Variants in CETP observed in about 807,000 individuals in gnomAD.
CETP encodes the protein cholesteryl ester transfer protein.
In CETP, 56 loss-of-function variants were observed where a neutral mutation model predicts 66.5. The ratio of observed to expected loss-of-function variants is 0.84; its 90% CI spans 0.68 to 1.05. The LOEUF is 1.05. Ranked by LOEUF, CETP falls within the 50% of genes least tolerant of loss-of-function variation. The probability of loss-of-function intolerance (pLI) is 0.00; values close to 1 mark genes in which losing one functional copy is unlikely to be tolerated. For synonymous variants in CETP, 251 were observed against 245.7 expected (o/e 1.02, Z -0.20); for missense variants, 612 against 609.6 (o/e 1.00, Z -0.04).
intron 4 of CETP, 58 bp from the exon 5 acceptor site, chr16:56,969,856 A>C (rs1349315090): frequency 6.3e-7 from 1 of 1,582,940 alleles, no homozygotes; most frequent in African/African-American, 1.4e-5. Context: ...CCTGGGCAGC[A>C]TGTGGATACC....
intron 7 of CETP, 150 bp downstream of exon 7, chr16:56,971,531 A>T (rs2056110396): frequency 1.2e-6 from 1 of 800,944 alleles, no homozygotes; most frequent in African/African-American, 1.7e-5. Context: ...AGTTATGAGC[A>T]TACTTTGGCA....
At chr16:56,977,642 C>T (rs1017753228) in intron 10 of CETP, among the ~76,000 whole-genome samples, 8 of 152,190 alleles carry the variant, frequency 5.3e-5, no homozygotes, top group Non-Finnish European at 7.3e-5. Flanking sequence ...GCAGCTCCTG[C>T]GCTCTCTGCT....
At position 56,983,352 on chromosome 16, in the gene CETP, A is replaced by T. The variant is rs758862566; in HGVS notation, c.1348A>T (p.Met450Leu). 6.2e-7 allele frequency: 1 copy of T among 1,614,130 alleles called. No homozygotes were observed. Among genetic ancestry groups the T allele is most frequent in the African/African-American group, 1.3e-5 (1 of 74,946 alleles). ...GCTCGAGGTAGTGTTTACAGCCCTC[A>T]TGAACAGCAAAGGCGTGAGCCTCTT... is the stretch of plus-strand genomic sequence containing the variant. ...SRLEVVFTALMNSKGVSLFDI... is the reference protein window; with the variant it reads ...SRLEVVFTALLNSKGVSLFDI... The change falls in exon 15 of 16, where the codon ATG becomes TTG. Residue 450 changes from methionine (M) to leucine (L), a missense_variant. By Grantham distance (15) the Met-to-Leu change is conservative (BLOSUM62 2). Transcript: ENST00000200676.
intron 9 of CETP, among the ~76,000 whole-genome samples, chr16:56,974,379 G>GATCAC (rs1346862395): frequency 6.6e-6 from 1 of 152,180 alleles, no homozygotes; most frequent in Non-Finnish European, 1.5e-5. Context: ...AGCCCAAGAG[G>GATCAC]TTGAGGCTGC....
At position 56,981,201 on chromosome 16, in the gene CETP, T is replaced by A. The variant is rs566897355; in HGVS notation, c.1190T>A (p.Leu397His). 40 of 1,613,846 alleles carry A rather than the reference T, an allele frequency of 2.5e-5. No homozygotes were observed. The South Asian group carries it at 3.6e-4, about 15-fold the overall frequency. Residue 397 changes from leucine to histidine, a missense_variant, in exon 12 of 16, where the codon CTC becomes CAC. Leu to His is a moderately conservative substitution (Grantham distance 99). Transcript: ENST00000200676. ...CAGGCCTCCTATTCTAAGAAAAAGCTCTTCTTAAGCCTCTTGGATTTCCAG... is the reference window on the plus strand; with the variant it reads ...CAGGCCTCCTATTCTAAGAAAAAGCACTTCTTAAGCCTCTTGGATTTCCAG... ...TVQASYSKKK[L>H]FLSLLDFQIT...
At position 56,980,852 on chromosome 16, in the gene CETP, G is replaced by A. The variant is rs573248237; in HGVS notation, c.1147-306G>A. Among the ~76,000 whole-genome samples the A allele has an allele frequency of 1.8e-4, 28 of 152,336 alleles. No individual in the cohort carries two copies. The South Asian group carries it at 2.1e-3, about 11-fold the overall frequency. On this transcript the variant is annotated intron_variant, in intron 11 of 15. Transcript: ENST00000200676. Reference sequence around the variant, plus strand: ...TAGGACAATCGCTTGAACCTGGGACGTGGAGGTTGCAGTGAGCTGAGATCG... The same window carrying A: ...TAGGACAATCGCTTGAACCTGGGACATGGAGGTTGCAGTGAGCTGAGATCG...
At chr16:56,972,348 T>C (rs1279692204) in intron 8 of CETP, among the ~76,000 whole-genome samples, 1 of 151,798 alleles carries the variant, frequency 6.6e-6, no homozygotes, top group Non-Finnish European at 1.5e-5. Context: ...CCTAGAGGGC[T>C]TATTCGGCTT....
At chr16:56,965,091 T>C (rs563922671) in intron 2 of CETP, among the ~76,000 whole-genome samples, 4 of 152,122 alleles carry the variant, frequency 2.6e-5, no homozygotes, top group Non-Finnish European at 5.9e-5. Context: ...ACTCTGTTGC[T>C]AAAAAATAAA....
chr16:56,962,145 C>T (rs371369925), intron 1 of CETP, 48 bp downstream of exon 1: 7 of 1,491,674 alleles, frequency 4.7e-6, no homozygotes, highest in East Asian at 2.3e-5. Flanking sequence ...TTTTCATGGA[C>T]ACCCACTATG....
intron 12 of CETP, 65 bp downstream of exon 12, chr16:56,981,290 C>A: frequency 1.5e-6 from 2 of 1,303,582 alleles, no homozygotes; most frequent in Admixed American, 1.7e-5. Flanking sequence ...CCCTTGGAGT[C>A]AGGCACAGGG....
Position 56,973,427 on chromosome 16 carries a change from T to C in CETP, c.847T>C (p.Ser283Pro). 6.2e-7 allele frequency: 1 copy of C among 1,614,228 alleles called. No individual in the cohort carries two copies. The highest frequency in any genetic ancestry group is 8.5e-7 in the Non-Finnish European group (1 of 1,180,044). The change falls in exon 9 of 16, where the codon TCT becomes CCT. Residue 283 changes from serine to proline, a missense_variant. Coordinates refer to ENST00000200676, the MANE Select transcript of CETP (RefSeq NM_000078.3). Reference sequence around the variant, plus strand: ...CTCCCGCATGCTGTACTTCTGGTTCTCTGAGCGAGTCTTCCACTCGCTGGC... The same window carrying C: ...CTCCCGCATGCTGTACTTCTGGTTCCCTGAGCGAGTCTTCCACTCGCTGGC... ...GDSRMLYFWF[S>P]ERVFHSLAKV...
At chr16:56,966,808 T>C (rs2056070404) in intron 2 of CETP, among the ~76,000 whole-genome samples, 1 of 150,048 alleles carries the variant, frequency 6.7e-6, no homozygotes, top group Non-Finnish European at 1.5e-5. Flanking sequence ...AGAGATGGGG[T>C]TTCACCATGC....
intron 1 of CETP, 29 bp downstream of exon 1, chr16:56,962,126 C>G (rs2056027799): frequency 6.3e-7 from 1 of 1,575,590 alleles, no homozygotes; most frequent in Non-Finnish European, 8.7e-7. Flanking sequence ...GTCTGCCCTG[C>G]CAGGGGTCTT....
chr16:56,978,238 G>C lies in CETP; in HGVS notation c.1129G>C (p.Ala377Pro). 2 of 1,614,188 alleles carry C rather than the reference G, an allele frequency of 1.2e-6. No individual in the cohort carries two copies. Among genetic ancestry groups the C allele is most frequent in the Non-Finnish European group, 1.7e-6 (2 of 1,180,030 alleles). ...ACGCCCAGACCAGCAACATTCTGTA[G>C]CTTACACATTTGAAGAGGTGAGGCG... is the stretch of plus-strand genomic sequence containing the variant. ...FPRPDQQHSVAYTFEEDIVTT... is the reference protein window; with the variant it reads ...FPRPDQQHSVPYTFEEDIVTT... The change falls in exon 11 of 16, where the codon GCT becomes CCT. Residue 377 changes from alanine (A) to proline (P), a missense_variant. Transcript: ENST00000200676.
chr16:56,982,079 G>A, intron 13 of CETP, 86 bp from the exon 14 acceptor site: 1 of 1,254,646 alleles, frequency 8.0e-7, no homozygotes, highest in Non-Finnish European at 1.2e-6. Context: ...GCATGAGGAT[G>A]AATGCTTGTC....
rs779567407 is a variant in CETP, at chr16:56,969,404, G to C, written c.252G>C (p.Leu84Phe). The stretch of plus-strand genomic sequence containing the variant: ...TTCCCAGCATCCAGATCAGCCACTT[G>C]TCCATCGCCAGCAGCCAGGTGGAGC... ...YGLHNIQISH[L>F]SIASSQVELV... Residue 84 changes from leucine (L) to phenylalanine (F), a missense_variant, in exon 3 of 16, where the codon TTG becomes TTC. By Grantham distance (22) the Leu-to-Phe change is conservative. Coordinates refer to ENST00000200676, the MANE Select transcript of CETP (RefSeq NM_000078.3). The C allele has an allele frequency of 1.8e-5, 29 of 1,614,052 alleles. No individual in the cohort carries two copies. Among genetic ancestry groups the C allele is most frequent in the Non-Finnish European group, 2.5e-5 (29 of 1,180,030 alleles).
At chr16:56,973,168 G>A (rs2056124907) in intron 8 of CETP, among the ~76,000 whole-genome samples, 163 bp from the exon 9 acceptor site, 2 of 152,218 alleles carry the variant, frequency 1.3e-5, no homozygotes, top group South Asian at 4.1e-4. Flanking sequence ...AGTATTTGTT[G>A]AATGAGTGAA....
Position 56,973,458 on chromosome 16 carries a change from T to C in CETP, c.878T>C (p.Val293Ala), listed in dbSNP as rs267604581. Reference sequence around the variant, plus strand: ...CGAGTCTTCCACTCGCTGGCCAAGGTAGCTTTCCAGGATGGCCGCCTCATG... The same window carrying C: ...CGAGTCTTCCACTCGCTGGCCAAGGCAGCTTTCCAGGATGGCCGCCTCATG... ...SERVFHSLAK[V>A]AFQDGRLMLS... The change falls in exon 9 of 16, where the codon GTA becomes GCA. Residue 293 changes from valine (V) to alanine (A), a missense_variant. Transcript: ENST00000200676. The C allele has an allele frequency of 6.2e-7, 1 of 1,614,178 alleles. No individual in the cohort carries two copies. Among genetic ancestry groups the C allele is most frequent in the Admixed American group, 1.7e-5 (1 of 60,024 alleles).
intron 2 of CETP, among the ~76,000 whole-genome samples, chr16:56,965,886 C>T (rs1459237119): frequency 2.0e-5 from 3 of 152,108 alleles, no homozygotes; most frequent in Non-Finnish European, 4.4e-5. Flanking sequence ...AGCACAGATC[C>T]TCTGCTGTAC....
Sources: gnomAD v4.1 joint callset for allele counts (sites outside exome capture counted in the v4.1 genomes callset) on GRCh38, gnomAD v4.1.1 for gene constraint, MANE v1.5 for transcripts, NCBI Gene and HGNC (gene_info 2026-07-23, HGNC 2026-07-21) for gene names.